Variants in MYO7A observed in about 807,000 individuals in gnomAD.
The protein encoded by MYO7A is unconventional myosin-VIIa.
Under a neutral mutation model 263.8 loss-of-function variants are expected in MYO7A, and 210 were observed. The ratio of observed to expected loss-of-function variants is 0.80; its 90% confidence interval spans 0.71 to 0.89. The LOEUF (loss-of-function observed/expected upper bound fraction) is 0.89, where lower values mean the gene tolerates loss of function less well. Among genes scored for constraint, MYO7A ranks in the 40% least tolerant of loss-of-function variants. The pLI, the probability that MYO7A is intolerant of heterozygous loss-of-function variation, is 0.00. For missense variants in MYO7A, 2,820 were observed against 2,968.3 expected, an observed-to-expected ratio of 0.95 and a Z score of 1.16; for synonymous variants, 1,239 against 1,197.3, an observed-to-expected ratio of 1.03 and a Z score of -0.72.
At position 77,175,419 on chromosome 11, in the gene MYO7A, C is replaced by T. The variant is rs1555079508; in HGVS notation, c.2142C>T (p.Gly714=). Residue 714 remains glycine (G), a synonymous_variant, in exon 18 of 49, where the codon GGC becomes GGT. Transcript: ENST00000409709. ...TCQRMAEAVL[G]THDDWQIGKT... is the part of the protein sequence containing the mutation. The stretch of plus-strand genomic sequence containing the variant: ...AGCGCATGGCTGAGGCTGTGCTGGG[C>T]ACCCACGATGACTGGCAGATAGGCA... 6.2e-7 allele frequency: 1 copy of T among 1,613,376 alleles called. No homozygotes were observed.
At chr11:77,197,440 C>T (rs373874174) in intron 32 of MYO7A, 41 bp from the exon 33 acceptor site, 50 of 1,451,326 alleles carry the variant, frequency 3.4e-5, no homozygotes, top group Non-Finnish European at 4.2e-5. Flanking sequence ...CAAACTCACT[C>T]GTATGTTGTC....
At position 77,166,308 on chromosome 11, in the gene MYO7A, G is replaced by A. The variant is rs1591312033; in HGVS notation, c.1797+146G>A. 1.3e-5 allele frequency: 9 copies of A among 700,228 alleles called. No individual in the cohort carries two copies. The East Asian group carries it at 2.2e-4, about 17-fold the overall frequency. The allele number at this position is 700,228 out of a possible 1,614,324, so 43.4% of individuals were successfully genotyped here. A position where few individuals can be genotyped will look rare whatever the true frequency, so the allele number is the denominator to read the frequency against. On this transcript the variant is annotated intron_variant, in intron 15 of 48. Coordinates refer to ENST00000409709, the MANE Select transcript of MYO7A (RefSeq NM_000260.4). ...TTTGCTGTGGCTCCAGGAGGGGCCTGGAGGGGCCTCAAAGGTGTTCCCATC... is the reference window on the plus strand; with the variant it reads ...TTTGCTGTGGCTCCAGGAGGGGCCTAGAGGGGCCTCAAAGGTGTTCCCATC...
intron 3 of MYO7A, among the ~76,000 whole-genome samples, chr11:77,146,579 C>T (rs1054595362): frequency 6.6e-6 from 1 of 152,042 alleles, no homozygotes; most frequent in Non-Finnish European, 1.5e-5. Context: ...GTGGGGGGAG[C>T]TGATGTCCAG....
intron 1 of MYO7A, 75 bp downstream of exon 1, chr11:77,128,564 T>G (rs562100134): frequency 2.0e-4 from 31 of 152,714 alleles, no homozygotes; most frequent in African/African-American, 6.5e-4. Context: ...TTGAGCTACC[T>G]CTAGAGCCTC....
Position 77,156,188 on chromosome 11 carries a change from G to A in MYO7A, c.470+97G>A, listed in dbSNP as rs899332186. On this transcript the variant is annotated intron_variant, in intron 5 of 48. Transcript: ENST00000409709. ...ACCTCTAGGAATTGCCCCCGCTGTC[G>A]GAAATGCCATCAAGCTCTTCAGGAA... The A allele has an allele frequency of 2.5e-5, 34 of 1,359,456 alleles. No individual in the cohort carries two copies. The Middle Eastern group carries it at 7.0e-4, about 28-fold the overall frequency. The allele number at this position is 1,359,456 out of a possible 1,614,324, so 84.2% of individuals were successfully genotyped here.
rs368749248 is a variant in MYO7A at position 77,204,167 on chromosome 11, C to G, written c.5418C>G (p.Ala1806=). 2 of 1,591,296 alleles carry G rather than the reference C, an allele frequency of 1.3e-6. No individual in the cohort carries two copies. The highest frequency in any genetic ancestry group is 1.7e-6 in the Non-Finnish European group (2 of 1,169,356). ...TDQIFEGPLK[A]EPLKDEAYVQ... ...AGATCTTTGAGGGTCCCCTGAAAGC[C>G]GAGCCCCTGAAGGACGAGGCATATG... is the stretch of plus-strand genomic sequence containing the variant. Residue 1806 remains alanine (A), a synonymous_variant, in exon 39 of 49, where the codon GCC becomes GCG. Transcript: ENST00000409709.
In MYO7A at chr11:77,166,176, G is replaced by A. The variant is rs782734178; in HGVS notation, c.1797+14G>A. On this transcript the variant is annotated intron_variant, in intron 15 of 48. Transcript: ENST00000409709. ...GATGTCGCCATGGTAAGCCGGGTGC[G>A]GTTTCTGTTGTTCGGGAAGGGCCCC... is the stretch of plus-strand genomic sequence containing the variant. The A allele has an allele frequency of 2.2e-5, 35 of 1,611,542 alleles. No individual in the cohort carries two copies. The highest frequency in any genetic ancestry group is 2.6e-5 in the Non-Finnish European group (31 of 1,178,078).
intron 2 of MYO7A, among the ~76,000 whole-genome samples, chr11:77,136,332 G>T (rs1473770778): frequency 1.3e-5 from 2 of 152,138 alleles, no homozygotes; most frequent in African/African-American, 4.8e-5. Context: ...CTCTGTCTTT[G>T]CCACTTGTGG....
Position 77,190,684 on chromosome 11 carries a change from G to T in MYO7A, c.3751-13G>T, listed in dbSNP as rs1409211500. 7 of 1,578,418 alleles carry T rather than the reference G, an allele frequency of 4.4e-6. No homozygotes were observed. Among genetic ancestry groups the T allele is most frequent in the African/African-American group, 1.4e-5 (1 of 74,062 alleles). On this transcript the variant is annotated splice_polypyrimidine_tract_variant and intron_variant, in intron 29 of 48. Coordinates refer to ENST00000409709, the MANE Select transcript of MYO7A (RefSeq NM_000260.4). ...GGGAAGGGACCCCACAAACCCTCTTGGGGCACTTCCAGGCCACCAAGTCCA... is the reference window on the plus strand; with the variant it reads ...GGGAAGGGACCCCACAAACCCTCTTTGGGCACTTCCAGGCCACCAAGTCCA...
intron 16 of MYO7A, among the ~76,000 whole-genome samples, 169 bp from the exon 17 acceptor site, chr11:77,174,587 C>T (rs577450234): frequency 8.5e-5 from 13 of 152,372 alleles, no homozygotes; most frequent in Non-Finnish European, 1.8e-4. Flanking sequence ...TCACTTTATG[C>T]TCTTTTGTGG....
chr11:77,163,289 G>A (rs79729883), intron 14 of MYO7A, among the ~76,000 whole-genome samples: 75 of 152,120 alleles, frequency 4.9e-4, no homozygotes, highest in African/African-American at 1.7e-3. Flanking sequence ...TGTAACCTGT[G>A]TTCTACTTTC....
chr11:77,153,979 G>A (rs116098338), intron 4 of MYO7A, among the ~76,000 whole-genome samples: 62 of 152,320 alleles, frequency 4.1e-4, no homozygotes, highest in African/African-American at 1.4e-3. Flanking sequence ...GCTGGGCATG[G>A]TGGCACATGC....
Position 77,203,120 on chromosome 11 carries a change from G to T in MYO7A, c.5229G>T (p.Arg1743=). 6.5e-7 allele frequency: 1 copy of T among 1,549,896 alleles called. No individual in the cohort carries two copies. Among genetic ancestry groups the T allele is most frequent in the African/African-American group, 1.4e-5 (1 of 73,154 alleles). The change falls in exon 38 of 49, where the codon CGG becomes CGT. Residue 1743 remains arginine, a synonymous_variant. Transcript: ENST00000409709. The part of the protein sequence containing the change: ...VMVSKARGKD[R]LWSHTREPLK... ...TGTCCAAGGCCCGAGGCAAGGACCG[G>T]CTGTGGAGCCACACGCGGGAACCGC...
At chr11:77,170,225 C>G (rs1555075158) in intron 15 of MYO7A, among the ~76,000 whole-genome samples, 1 of 152,108 alleles carries the variant, frequency 6.6e-6, no homozygotes. Flanking sequence ...TCAGGAAAGG[C>G]CTGCCTGAGA....
chr11:77,170,229 C>T (rs375893763), intron 15 of MYO7A, among the ~76,000 whole-genome samples: 1 of 152,112 alleles, frequency 6.6e-6, no homozygotes, highest in African/African-American at 2.4e-5. Context: ...GAAAGGCCTG[C>T]CTGAGAAGCT....
intron 2 of MYO7A, among the ~76,000 whole-genome samples, chr11:77,133,763 C>A (rs1272965108): frequency 6.6e-6 from 1 of 152,166 alleles, no homozygotes; most frequent in Non-Finnish European, 1.5e-5. Flanking sequence ...AGGACCTCTG[C>A]CATTTTGCTA....
At chr11:77,135,128 T>C (rs1344013046) in intron 2 of MYO7A, among the ~76,000 whole-genome samples, 5 of 152,232 alleles carry the variant, frequency 3.3e-5, no homozygotes, top group African/African-American at 1.2e-4. Context: ...ATTAAATACA[T>C]TCACAATGTT....
intron 18 of MYO7A, among the ~76,000 whole-genome samples, 199 bp downstream of exon 18, chr11:77,175,663 T>C (rs1290933565): frequency 6.6e-6 from 1 of 152,120 alleles, no homozygotes; most frequent in Admixed American, 6.5e-5. Flanking sequence ...ATCTACAACC[T>C]GGGAGTGGGG....
chr11:77,199,946 T>C, intron 35 of MYO7A, 128 bp downstream of exon 35: 1 of 1,068,982 alleles, frequency 9.4e-7, no homozygotes, highest in Non-Finnish European at 1.3e-6. Context: ...AGAGGTTTAT[T>C]TGGCTCACAG....
Sources: allele counts gnomAD v4.1 joint callset (sites outside exome capture counted in the v4.1 genomes callset), GRCh38; gene constraint gnomAD v4.1.1; transcripts MANE v1.5; gene names NCBI Gene and HGNC (gene_info 2026-07-23, HGNC 2026-07-21).